The following PTPRT variants were observed in gnomAD, a reference collection of about 807,000 sequenced individuals.
The protein encoded by PTPRT is receptor-type tyrosine-protein phosphatase T.
PTPRT carries 56 observed loss-of-function variants against 176.8 expected under a neutral mutation model. The observed-to-expected ratio is 0.32, with a 90% CI of 0.26 to 0.40. PTPRT has a LOEUF of 0.40. Ranked by LOEUF, PTPRT falls within the 10% of genes least tolerant of loss-of-function variation. The pLI is 1.00. For missense variants in PTPRT, 1,540 were observed against 1,908.2 expected, an observed-to-expected ratio of 0.81 and a Z score of 3.60; for synonymous variants, 783 against 739.0, an observed-to-expected ratio of 1.06 and a Z score of -0.96.
chr20:42,635,104 T>C (rs1440986062), intron 7 of PTPRT, among the ~76,000 whole-genome samples: 1 of 152,094 alleles, frequency 6.6e-6, no homozygotes, highest in Non-Finnish European at 1.5e-5. Context: ...GGAGAAATAC[T>C]GAAAAAAAAT....
intron 11 of PTPRT, among the ~76,000 whole-genome samples, chr20:42,327,270 A>G (rs977550559): frequency 6.6e-6 from 1 of 152,146 alleles, no homozygotes; most frequent in Non-Finnish European, 1.5e-5. Context: ...AAACCACATT[A>G]TATTCCAATA....
intron 2 of PTPRT, among the ~76,000 whole-genome samples, chr20:42,841,787 G>A (rs1231173364): frequency 1.3e-5 from 2 of 152,152 alleles, no homozygotes; most frequent in Non-Finnish European, 2.9e-5. Flanking sequence ...TGGGTATCTT[G>A]CAGAATAGCT....
At chr20:42,944,092 G>A (rs147495027) in intron 1 of PTPRT, among the ~76,000 whole-genome samples, 81 of 152,210 alleles carry the variant, frequency 5.3e-4, no homozygotes, top group African/African-American at 1.9e-3. Context: ...CCACTGCCCA[G>A]AAAAGCTCTG....
chr20:42,178,293 T>G (rs1350279094), intron 16 of PTPRT, among the ~76,000 whole-genome samples: 2 of 152,078 alleles, frequency 1.3e-5, no homozygotes, highest in Non-Finnish European at 2.9e-5. Context: ...GTGATTCTCA[T>G]AGTAATAAAG....
intron 2 of PTPRT, among the ~76,000 whole-genome samples, chr20:42,881,750 G>C (rs1377382823): frequency 1.5e-5 from 2 of 132,192 alleles, no homozygotes; most frequent in South Asian, 2.4e-4. Flanking sequence ...AAAAAAAAAA[G>C]AGAGAGAGAG....
intron 6 of PTPRT, among the ~76,000 whole-genome samples, chr20:42,754,336 C>G (rs569177232): frequency 1.3e-5 from 2 of 152,308 alleles, no homozygotes; most frequent in Admixed American, 1.3e-4. Flanking sequence ...GAGGCACGAG[C>G]CACCACACCC....
intron 8 of PTPRT, among the ~76,000 whole-genome samples, chr20:42,463,089 A>C (rs1255355815): frequency 6.6e-6 from 1 of 152,140 alleles, no homozygotes; most frequent in Non-Finnish European, 1.5e-5. Flanking sequence ...CACCCCAAGT[A>C]AGAGGCTCTT....
intron 4 of PTPRT, among the ~76,000 whole-genome samples, chr20:42,778,793 A>G (rs1045155792): frequency 6.6e-6 from 1 of 152,212 alleles, no homozygotes; most frequent in African/African-American, 2.4e-5. Context: ...TAAACCCTGC[A>G]TAGCTGGGGG....
chr20:42,816,021 G>A (rs1172783694), intron 2 of PTPRT, among the ~76,000 whole-genome samples: 1 of 152,000 alleles, frequency 6.6e-6, no homozygotes, highest in Admixed American at 6.6e-5. Flanking sequence ...TGAGTCTGGA[G>A]GAAACTTTCA....
intron 1 of PTPRT, among the ~76,000 whole-genome samples, chr20:42,962,794 G>A (rs1982067549): frequency 2.6e-5 from 4 of 152,138 alleles, no homozygotes; most frequent in Non-Finnish European, 4.4e-5. Context: ...CAGGCCAGGC[G>A]CGGTGGCTCA....
rs567190845 is a variant in PTPRT, at chr20:42,543,453, G to T, written c.1154-70891C>A. Among the ~76,000 whole-genome samples the T allele has an allele frequency of 1.9e-4, 29 of 152,110 alleles. No individual in the cohort carries two copies. The East Asian group carries it at 5.2e-3, about 27-fold the overall frequency. On this transcript the variant is annotated intron_variant, in intron 7 of 30. Coordinates refer to ENST00000373187, the MANE Select transcript of PTPRT (RefSeq NM_007050.6). ...TGCATCAATTCAGCTATATCTTCAG[G>T]CTTCATATCTAATTCTATTTATTTT... is the stretch of plus-strand genomic sequence containing the variant.
intron 7 of PTPRT, among the ~76,000 whole-genome samples, chr20:42,584,202 A>G (rs1227572877): frequency 6.6e-6 from 1 of 152,234 alleles, no homozygotes; most frequent in Non-Finnish European, 1.5e-5. Context: ...GAGATATTAA[A>G]TAAAATGGCT....
rs543499111 is a variant in PTPRT, at chr20:42,597,463, G to A, written c.1153+80403C>T. ...TCCCAATGTTGGAAGCAGACCCAGT[G>A]GGAGGTGACTGGATCATGGAGGCAG... On this transcript the variant is annotated intron_variant, in intron 7 of 30. Transcript: ENST00000373187. 2.0e-5 allele frequency among the ~76,000 whole-genome samples: 3 copies of A among 152,242 alleles called. No homozygotes were observed. The East Asian group carries it at 5.8e-4, about 29-fold the overall frequency.
intron 7 of PTPRT, among the ~76,000 whole-genome samples, chr20:42,633,815 AT>A (rs1569037213): frequency 0.016 from 1,457 of 90,472 alleles, 41 homozygotes; most frequent in Non-Finnish European, 0.022. Flanking sequence ...ATATATATAT[AT>A]ATAATAAAAT....
intron 16 of PTPRT, among the ~76,000 whole-genome samples, chr20:42,175,588 AG>A (rs1013246854): frequency 2.8e-4 from 43 of 152,162 alleles, no homozygotes; most frequent in African/African-American, 9.9e-4. Context: ...GTATATTACT[AG>A]GGGGCTGGGT....
chr20:43,168,785 T>C (rs1007474523), intron 1 of PTPRT, among the ~76,000 whole-genome samples: 1 of 152,206 alleles, frequency 6.6e-6, no homozygotes, highest in Non-Finnish European at 1.5e-5. Context: ...TCCTCCTACA[T>C]GCTCATCCCA....
chr20:43,008,175 G>A (rs1984946484), intron 1 of PTPRT, among the ~76,000 whole-genome samples: 1 of 152,216 alleles, frequency 6.6e-6, no homozygotes, highest in African/African-American at 2.4e-5. Context: ...AGAGTATTAG[G>A]AGGTGGAGGC....
intron 5 of PTPRT, among the ~76,000 whole-genome samples, chr20:42,766,771 A>T (rs2076988756): frequency 6.6e-6 from 1 of 152,236 alleles, no homozygotes; most frequent in Non-Finnish European, 1.5e-5. Context: ...GCTGGAAACA[A>T]CATCTTTATT....
At chr20:42,766,174 T>A (rs2076980087) in intron 5 of PTPRT, among the ~76,000 whole-genome samples, 1 of 152,240 alleles carries the variant, frequency 6.6e-6, no homozygotes, top group Admixed American at 6.5e-5. Flanking sequence ...CTTTGTTTAG[T>A]GGCTATTCCC....
Sources: allele counts gnomAD v4.1 joint callset (sites outside exome capture counted in the v4.1 genomes callset), GRCh38; gene constraint gnomAD v4.1.1; transcripts MANE v1.5; gene names NCBI Gene and HGNC (gene_info 2026-07-23, HGNC 2026-07-21).